The following GRM7 variants were observed in gnomAD, a reference collection of about 807,000 sequenced individuals.
The protein encoded by GRM7 is metabotropic glutamate receptor 7.
A neutral mutation model predicts 84.5 loss-of-function variants in GRM7; 35 were observed. The observed-to-expected ratio is 0.41, with a 90% CI of 0.32 to 0.55. The LOEUF is 0.55. Among genes scored for constraint, GRM7 ranks in the 20% least tolerant of loss-of-function variants. The probability of loss-of-function intolerance (pLI) is 0.19; values close to 1 mark genes in which losing one functional copy is unlikely to be tolerated. For synonymous variants in GRM7, 487 were observed against 455.1 expected (o/e 1.07, Z -0.89); for missense variants, 1,003 against 1,194.6 (o/e 0.84, Z 2.36).
intron 2 of GRM7, among the ~76,000 whole-genome samples, chr3:7,152,970 G>A (rs1574966805): frequency 6.6e-6 from 1 of 151,944 alleles, no homozygotes; most frequent in East Asian, 1.9e-4. Context: ...AAAAGGCTGG[G>A]GCGATGGAAA....
At position 7,486,815 on chromosome 3, in the gene GRM7, T is replaced by C. The variant is rs866105706; in HGVS notation, c.1515+25093T>C. On this transcript the variant is annotated intron_variant, in intron 7 of 9. Coordinates refer to ENST00000357716, the MANE Select transcript of GRM7 (RefSeq NM_000844.4). The surrounding 1 kb of genome is among the most constrained non-coding windows in gnomAD (Gnocchi z 5.5). ...ATGCTGGGAAGTGGAGTTGTTGCTA[T>C]GCCTGAAAATGTAGAAGTAGCTCTG... 6.6e-6 allele frequency among the ~76,000 whole-genome samples: 1 copy of C among 152,176 alleles called. No homozygotes were observed. The highest frequency in any genetic ancestry group is 1.5e-5 in the Non-Finnish European group (1 of 68,020).
At chr3:7,125,155 G>T (rs1340463355) in intron 1 of GRM7, among the ~76,000 whole-genome samples, 4 of 152,102 alleles carry the variant, frequency 2.6e-5, no homozygotes, top group African/African-American at 4.8e-5. Context: ...GGCCAGGCTG[G>T]TCTCAAACTC....
intron 7 of GRM7, among the ~76,000 whole-genome samples, chr3:7,534,637 A>C (rs996895237): frequency 6.6e-6 from 1 of 152,124 alleles, no homozygotes; most frequent in African/African-American, 2.4e-5. Context: ...GTTAAATTTC[A>C]GTCGTTGTGG....
Position 7,461,584 on chromosome 3 carries a change from T to C in GRM7, c.1377T>C (p.Gly459=). 1 of 1,611,236 alleles carries C rather than the reference T, an allele frequency of 6.2e-7. No homozygotes were observed. Among genetic ancestry groups the C allele is most frequent in the East Asian group, 2.2e-5 (1 of 44,854 alleles). ...TTTCATTTTTTCTGTCTTCCTTAGG[T>C]AGTGCTGGCACTCCAGTGATGTTTA... The part of the protein sequence containing the change: ...LKYIRNVNFN[G]SAGTPVMFNK... The change falls in exon 7 of 10, where the codon GGT becomes GGC. Residue 459 remains glycine, a splice_region_variant and synonymous_variant. Transcript: ENST00000357716.
intron 2 of GRM7, among the ~76,000 whole-genome samples, chr3:7,267,546 G>A (rs1031226626): frequency 2.6e-5 from 4 of 152,174 alleles, no homozygotes; most frequent in Non-Finnish European, 4.4e-5. Flanking sequence ...CTGAAACACC[G>A]GGGGTTGGGT....
intron 1 of GRM7, among the ~76,000 whole-genome samples, chr3:7,049,705 C>G (rs1696926939): frequency 6.6e-6 from 1 of 151,766 alleles, no homozygotes; most frequent in Admixed American, 6.6e-5. Context: ...CAAAAGAAGC[C>G]CAACATAGGC....
In GRM7 at chr3:7,077,062, G is replaced by C. The variant is rs142252503; in HGVS notation, c.520-69390G>C. On this transcript the variant is annotated intron_variant, in intron 1 of 9. Transcript: ENST00000357716. ...CAGTTAGAATTGGGATGATTAAAAA[G>C]TCAGGAAACAACAGGTGCTGGAGAG... Among the ~76,000 whole-genome samples, 622 of 152,282 alleles carry C rather than the reference G, an allele frequency of 4.1e-3. 3 individuals are homozygous for C. The highest frequency in any genetic ancestry group is 0.014 in the African/African-American group (581 of 41,562).
At chr3:7,289,101 A>C (rs1356917415) in intron 2 of GRM7, among the ~76,000 whole-genome samples, 1 of 152,204 alleles carries the variant, frequency 6.6e-6, no homozygotes, top group Non-Finnish European at 1.5e-5. Flanking sequence ...AAGGATGCAC[A>C]GTGGGACATT....
chr3:6,991,863 G>A (rs1178058885), intron 1 of GRM7, among the ~76,000 whole-genome samples: 6 of 151,972 alleles, frequency 3.9e-5, no homozygotes, highest in Admixed American at 1.3e-4. Flanking sequence ...TATGCTGTAC[G>A]TTAGATATCT....
chr3:7,461,946 G>A (rs568197514), intron 7 of GRM7, among the ~76,000 whole-genome samples: 5 of 152,124 alleles, frequency 3.3e-5, no homozygotes, highest in East Asian at 1.9e-4. Context: ...TGACCTGTGC[G>A]AATTATCTCA....
chr3:7,112,354 A>G (rs1692886515), intron 1 of GRM7, among the ~76,000 whole-genome samples: 1 of 151,842 alleles, frequency 6.6e-6, no homozygotes, highest in Non-Finnish European at 1.5e-5. Flanking sequence ...CCTCCTGAGT[A>G]GCTGGGACTA....
At chr3:7,079,889 G>A (rs1418117130) in intron 1 of GRM7, among the ~76,000 whole-genome samples, 2 of 152,140 alleles carry the variant, frequency 1.3e-5, no homozygotes, top group Non-Finnish European at 2.9e-5. Context: ...TCCTGACATG[G>A]AGCAAGTGCT....
chr3:7,513,074 C>G (rs778939127), intron 7 of GRM7, among the ~76,000 whole-genome samples: 7 of 152,294 alleles, frequency 4.6e-5, no homozygotes, highest in Middle Eastern at 3.4e-3. Context: ...GAATTGCTTT[C>G]AATTCTTAGG....
At chr3:7,480,577 A>T (rs750225593) in intron 7 of GRM7, among the ~76,000 whole-genome samples, 1 of 152,234 alleles carries the variant, frequency 6.6e-6, no homozygotes, top group Non-Finnish European at 1.5e-5. Flanking sequence ...GCAAAATGGT[A>T]TACAATATTT....
chr3:7,076,238 A>C (rs1461532818), intron 1 of GRM7, among the ~76,000 whole-genome samples: 1 of 152,140 alleles, frequency 6.6e-6, no homozygotes, highest in Admixed American at 6.5e-5. Context: ...TTAAATAAAA[A>C]TAGTAGTTCC....
chr3:7,215,592 G>C (rs539495070), intron 2 of GRM7, among the ~76,000 whole-genome samples: 1 of 152,004 alleles, frequency 6.6e-6, no homozygotes, highest in South Asian at 2.1e-4. Flanking sequence ...GTGAACCCGG[G>C]GGGCGGAGCT....
intron 8 of GRM7, among the ~76,000 whole-genome samples, chr3:7,585,427 A>G (rs3804893): frequency 0.066 from 10,030 of 152,116 alleles, 933 homozygotes; most frequent in African/African-American, 0.21. Context: ...AGTCTCAACC[A>G]TCTTAGACCC....
intron 2 of GRM7, among the ~76,000 whole-genome samples, chr3:7,231,115 G>T (rs183977947): frequency 6.6e-5 from 10 of 152,246 alleles, no homozygotes; most frequent in Non-Finnish European, 1.2e-4. Context: ...GGCTCTGTCT[G>T]GCAAACTGCA....
At chr3:6,974,489 G>A (rs771871195) in intron 1 of GRM7, among the ~76,000 whole-genome samples, 8 of 152,180 alleles carry the variant, frequency 5.3e-5, no homozygotes, top group Non-Finnish European at 1.0e-4. Flanking sequence ...GAAGACACGT[G>A]AGAACTGAGC....
Sources: gnomAD v4.1 joint callset for allele counts (sites outside exome capture counted in the v4.1 genomes callset) on GRCh38, gnomAD v4.1.1 for gene constraint, Gnocchi (gnomAD v3.1) non-coding constraint, MANE v1.5 for transcripts, NCBI Gene and HGNC (gene_info 2026-07-23, HGNC 2026-07-21) for gene names.